ADAMTS20: variants seen among roughly 807,000 people sequenced by gnomAD.
ADAMTS20 encodes A disintegrin and metalloproteinase with thrombospondin motifs 20.
In ADAMTS20, 225 loss-of-function variants were observed where a neutral mutation model predicts 260.1. The ratio of observed to expected loss-of-function variants is 0.87; its 90% confidence interval spans 0.78 to 0.97. The LOEUF is 0.97. Among genes scored for constraint, ADAMTS20 ranks in the 50% least tolerant of loss-of-function variants. ADAMTS20 has a pLI of 0.00. For missense variants in ADAMTS20, 2,400 were observed against 2,337.7 expected, an observed-to-expected ratio of 1.03 and a Z score of -0.55; for synonymous variants, 802 against 769.5, an observed-to-expected ratio of 1.04 and a Z score of -0.70.
intron 37 of ADAMTS20, among the ~76,000 whole-genome samples, chr12:43,366,775 T>G (rs921910269): frequency 6.6e-6 from 1 of 151,808 alleles, no homozygotes; most frequent in Non-Finnish European, 1.5e-5. Context: ...ATACCAAATA[T>G]TTTGGGATGC....
At chr12:43,366,718 C>CCTAA (rs1343750933) in intron 37 of ADAMTS20, among the ~76,000 whole-genome samples, 1 of 151,532 alleles carries the variant, frequency 6.6e-6, no homozygotes, top group Non-Finnish European at 1.5e-5. Context: ...ATACCAAAGA[C>CCTAA]CTAACTATAG....
intron 3 of ADAMTS20, among the ~76,000 whole-genome samples, chr12:43,519,218 T>C (rs568736643): frequency 1.3e-5 from 2 of 152,242 alleles, no homozygotes; most frequent in South Asian, 4.1e-4. Context: ...AAGCTTAAAC[T>C]TTTGGTCTCT....
chr12:43,409,962 G>A (rs1195601680), intron 28 of ADAMTS20, among the ~76,000 whole-genome samples: 2 of 152,168 alleles, frequency 1.3e-5, no homozygotes, highest in African/African-American at 4.8e-5. Flanking sequence ...AGCTCAGAAT[G>A]CTAAAGTAAA....
At chr12:43,391,583 A>G (rs539595008) in intron 29 of ADAMTS20, among the ~76,000 whole-genome samples, 2 of 152,258 alleles carry the variant, frequency 1.3e-5, no homozygotes, top group Non-Finnish European at 2.9e-5. Flanking sequence ...TGTGAGTTTC[A>G]TTGTTTATAT....
At chr12:43,508,852 T>C (rs1942883152) in intron 3 of ADAMTS20, among the ~76,000 whole-genome samples, 1 of 152,132 alleles carries the variant, frequency 6.6e-6, no homozygotes. Flanking sequence ...ATTCATTCTA[T>C]CTAACTAGGT....
chr12:43,363,474 CA>C (rs1271965819), intron 37 of ADAMTS20, among the ~76,000 whole-genome samples: 1 of 152,060 alleles, frequency 6.6e-6, no homozygotes, highest in Non-Finnish European at 1.5e-5. Flanking sequence ...GGTCAAAAGC[CA>C]AGAAGACCAG....
intron 4 of ADAMTS20, among the ~76,000 whole-genome samples, chr12:43,501,479 G>GCACACACA (rs746038595): frequency 2.0e-3 from 135 of 67,124 alleles, no homozygotes; most frequent in African/African-American, 4.8e-3. Flanking sequence ...GCGCGCGCGC[G>GCACACACA]CGCACACACA....
chr12:43,431,771 C>T (rs1022259271), intron 21 of ADAMTS20, among the ~76,000 whole-genome samples: 5 of 152,102 alleles, frequency 3.3e-5, no homozygotes, highest in Admixed American at 2.6e-4. Flanking sequence ...TGGACCCTGG[C>T]ACTTTCTTAT....
chr12:43,477,939 CTT>C (rs1942384318), intron 7 of ADAMTS20, among the ~76,000 whole-genome samples: 1 of 152,082 alleles, frequency 6.6e-6, no homozygotes, highest in African/African-American at 2.4e-5. Context: ...AAAGCACACA[CTT>C]TTTGAGCTAG....
chr12:43,466,842 C>T (rs576057474), intron 8 of ADAMTS20, 47 bp from the exon 9 acceptor site: 79 of 1,362,206 alleles, frequency 5.8e-5, no homozygotes, highest in African/African-American at 1.7e-4. Context: ...AAGATGCTTA[C>T]GATATTAGTA....
At chr12:43,360,328 A>C (rs1187479214) in intron 37 of ADAMTS20, among the ~76,000 whole-genome samples, 4 of 152,148 alleles carry the variant, frequency 2.6e-5, no homozygotes, top group African/African-American at 9.7e-5. Flanking sequence ...AGTCGCCTGT[A>C]ATCCTAGCCA....
chr12:43,386,777 CAGCTATTG>C (rs1373464760), intron 29 of ADAMTS20, among the ~76,000 whole-genome samples: 2 of 152,196 alleles, frequency 1.3e-5, no homozygotes, highest in East Asian at 3.8e-4. Context: ...TTCATTGATT[CAGCTATTG>C]ATACTTGTGT....
At chr12:43,540,679 A>T (rs1042167046) in intron 2 of ADAMTS20, among the ~76,000 whole-genome samples, 5 of 152,134 alleles carry the variant, frequency 3.3e-5, no homozygotes, top group African/African-American at 4.8e-5. Flanking sequence ...TACTTAGATC[A>T]TGCCATATTT....
chr12:43,499,495 T>C (rs1188187085), intron 4 of ADAMTS20, among the ~76,000 whole-genome samples: 2 of 151,366 alleles, frequency 1.3e-5, no homozygotes, highest in Admixed American at 1.3e-4. Flanking sequence ...GATTTTTTTT[T>C]TTTTTTTTTT....
chr12:43,398,685 CA>C, intron 29 of ADAMTS20, among the ~76,000 whole-genome samples: 1 of 152,198 alleles, frequency 6.6e-6, no homozygotes, highest in Middle Eastern at 3.4e-3. Flanking sequence ...TATTCAGTAA[CA>C]AAATTTCTTG....
chr12:43,396,627 A>T (rs747388422), intron 29 of ADAMTS20, among the ~76,000 whole-genome samples: 2 of 152,210 alleles, frequency 1.3e-5, no homozygotes, highest in African/African-American at 4.8e-5. Context: ...TTCAAGGAGA[A>T]GCAAGCAAAT....
intron 37 of ADAMTS20, among the ~76,000 whole-genome samples, chr12:43,356,987 T>C (rs1939760312): frequency 6.6e-6 from 1 of 152,226 alleles, no homozygotes; most frequent in African/African-American, 2.4e-5. Flanking sequence ...AATATTATTT[T>C]CCTGGCAATT....
intron 28 of ADAMTS20, among the ~76,000 whole-genome samples, chr12:43,406,484 A>G (rs1940922357): frequency 6.6e-6 from 1 of 152,126 alleles, no homozygotes; most frequent in Admixed American, 6.5e-5. Flanking sequence ...AGTGTATGAA[A>G]CAACATATTA....
At position 43,502,492 on chromosome 12, in the gene ADAMTS20, T is replaced by G. The variant is rs530363186; in HGVS notation, c.614-87A>C. The G allele has an allele frequency of 8.8e-5, 107 of 1,221,364 alleles. No homozygotes were observed. The Middle Eastern group carries it at 1.5e-3, about 17-fold the overall frequency. 75.7% of individuals were successfully genotyped at this position (1,221,364 alleles called of 1,614,324 possible). ...AAAAAATAGAACAGCCAAAAATATT[T>G]AATACTTACATATCTGTTCCCAACA... On this transcript the variant is annotated intron_variant, in intron 3 of 38. Coordinates refer to ENST00000389420, the MANE Select transcript of ADAMTS20 (RefSeq NM_025003.5).
Sources: allele counts gnomAD v4.1 joint callset (sites outside exome capture counted in the v4.1 genomes callset), GRCh38; gene constraint gnomAD v4.1.1; transcripts MANE v1.5; gene names NCBI Gene and HGNC (gene_info 2026-07-23, HGNC 2026-07-21).